Variants in NAA15 observed in about 807,000 individuals in gnomAD.
NAA15 encodes N-alpha-acetyltransferase 15, NatA auxiliary subunit, also known as N-terminal acetyltransferase.
In NAA15, 34 loss-of-function variants were observed where a neutral mutation model predicts 114.0. That is an observed-to-expected ratio of 0.30 (90% CI 0.23 to 0.40). The LOEUF is 0.40. Ranked by LOEUF, NAA15 falls within the 10% of genes least tolerant of loss-of-function variation. The pLI is 1.00. For synonymous variants in NAA15, 340 were observed against 338.0 expected (o/e 1.01, Z -0.06); for missense variants, 658 against 1,004.5 (o/e 0.66, Z 4.66).
Position 139,302,176 on chromosome 4 carries a change from G to T in NAA15, c.54+345G>T, listed in dbSNP as rs553713799. 8.1e-5 allele frequency: 22 copies of T among 270,516 alleles called. No homozygotes were observed. In the South Asian group the frequency reaches 2.2e-3, roughly 27 times the overall value. 16.8% of individuals were successfully genotyped at this position (270,516 alleles called of 1,614,324 possible). On this transcript the variant is annotated intron_variant, in intron 1 of 19. Transcript: ENST00000296543. Reference sequence around the variant, plus strand: ...AGTGGGCGACACCGGCAGGAGTCGCGGCCCGGTTGGTGTGGGAACCCTGCT... The same window carrying T: ...AGTGGGCGACACCGGCAGGAGTCGCTGCCCGGTTGGTGTGGGAACCCTGCT...
chr4:139,344,401 A>G, intron 6 of NAA15, 62 bp downstream of exon 6: 1 of 1,361,746 alleles, frequency 7.3e-7, no homozygotes, highest in South Asian at 1.4e-5. Flanking sequence ...AGGCTGAAAA[A>G]TCTAGTTGCT....
Position 139,301,564 on chromosome 4 carries a change from G to C in NAA15, c.-214G>C. 1.7e-6 allele frequency: 1 copy of C among 590,310 alleles called. No homozygotes were observed. Among genetic ancestry groups the C allele is most frequent in the African/African-American group, 1.9e-5 (1 of 52,750 alleles). 36.6% of individuals were successfully genotyped at this position (590,310 alleles called of 1,614,324 possible). ...AACCGCCGACGGAGACCCGTAGTGG[G>C]GGAGGCGGCGGCAGCGTTAAGTGAG... is the stretch of plus-strand genomic sequence containing the variant. On this transcript the variant is annotated 5_prime_UTR_variant, in exon 1 of 20. Coordinates refer to ENST00000296543, the MANE Select transcript of NAA15 (RefSeq NM_057175.5).
chr4:139,321,475 T>TTG (rs1369102299), intron 1 of NAA15, among the ~76,000 whole-genome samples: 1 of 148,012 alleles, frequency 6.8e-6, no homozygotes, highest in South Asian at 2.2e-4. Flanking sequence ...TTATTTGTTT[T>TTG]TTTTTTTTTT....
At chr4:139,376,518 A>G (rs1748586638) in intron 16 of NAA15, 45 bp downstream of exon 16, 1 of 1,173,972 alleles carries the variant, frequency 8.5e-7, no homozygotes, top group Non-Finnish European at 1.3e-6. Context: ...TGATCACTGT[A>G]TTTCTTAGGT....
In NAA15 at chr4:139,334,170, A is replaced by T; in HGVS notation, c.55-4A>T. The T allele has an allele frequency of 6.4e-7, 1 of 1,565,392 alleles. No individual in the cohort carries two copies. The highest frequency in any genetic ancestry group is 8.6e-7 in the Non-Finnish European group (1 of 1,158,386). On this transcript the variant is annotated splice_region_variant and splice_polypyrimidine_tract_variant and intron_variant, in intron 1 of 19. Transcript: ENST00000296543. ...ACTTAAATTTTTCTTTTTTGTTTTG[A>T]CAGAGGTGTTATGAACATAAACAGT...
At chr4:139,326,885 TTGGG>T (rs796828395) in intron 1 of NAA15, among the ~76,000 whole-genome samples, 10 of 152,348 alleles carry the variant, frequency 6.6e-5, no homozygotes, top group African/African-American at 2.4e-4. Context: ...GTCATTAATT[TTGGG>T]TGTCCTTTTT....
intron 1 of NAA15, among the ~76,000 whole-genome samples, chr4:139,322,717 A>G (rs1182151173): frequency 6.6e-6 from 1 of 152,124 alleles, no homozygotes; most frequent in Non-Finnish European, 1.5e-5. Flanking sequence ...TTTGAGACGG[A>G]GTCTTGCTCT....
At position 139,354,011 on chromosome 4, in the gene NAA15, G is replaced by A. The variant is rs755850306; in HGVS notation, c.1015-15G>A. Reference sequence around the variant, plus strand: ...GTTTTTTCTATTAAAGTGTGTTTGTGTGTTTGTACTCTAGGTGGCAATCAT... The same window carrying A: ...GTTTTTTCTATTAAAGTGTGTTTGTATGTTTGTACTCTAGGTGGCAATCAT... On this transcript the variant is annotated splice_polypyrimidine_tract_variant and intron_variant, in intron 9 of 19. Transcript: ENST00000296543. The A allele has an allele frequency of 6.2e-6, 10 of 1,603,566 alleles. No homozygotes were observed. The highest frequency in any genetic ancestry group is 1.1e-5 in the South Asian group (1 of 89,802).
intron 14 of NAA15, among the ~76,000 whole-genome samples, chr4:139,362,743 A>G (rs1748170581): frequency 6.6e-6 from 1 of 152,234 alleles, no homozygotes; most frequent in Non-Finnish European, 1.5e-5. Context: ...ATAGTAGGGT[A>G]TCGGAATGAC....
chr4:139,304,104 G>A (rs1032413633), intron 1 of NAA15, among the ~76,000 whole-genome samples: 1 of 152,150 alleles, frequency 6.6e-6, no homozygotes, highest in Non-Finnish European at 1.5e-5. Flanking sequence ...TTTTTTAGTA[G>A]AGACGGGGTT....
chr4:139,337,756 A>G (rs914568964), intron 3 of NAA15, among the ~76,000 whole-genome samples: 2 of 152,234 alleles, frequency 1.3e-5, no homozygotes, highest in Non-Finnish European at 2.9e-5. Context: ...CTTAGTACAG[A>G]CAAAGAAAAG....
intron 6 of NAA15, among the ~76,000 whole-genome samples, chr4:139,346,587 G>C (rs1747591269): frequency 6.6e-6 from 1 of 150,742 alleles, no homozygotes; most frequent in Non-Finnish European, 1.5e-5. Context: ...TTTCACTCTT[G>C]TTTCTCAGGC....
At chr4:139,343,542 G>A (rs1021031933) in intron 5 of NAA15, among the ~76,000 whole-genome samples, 14 of 152,172 alleles carry the variant, frequency 9.2e-5, no homozygotes, top group African/African-American at 2.9e-4. Context: ...TTCTGAAGAA[G>A]GCTGTGCTTT....
intron 1 of NAA15, among the ~76,000 whole-genome samples, chr4:139,307,584 T>C (rs184393486): frequency 6.6e-6 from 1 of 152,354 alleles, no homozygotes; most frequent in East Asian, 1.9e-4. Context: ...ATGTAATTAT[T>C]GCACACTTGA....
intron 1 of NAA15, among the ~76,000 whole-genome samples, chr4:139,324,052 T>A (rs1319942030): frequency 1.3e-5 from 2 of 152,024 alleles, no homozygotes; most frequent in East Asian, 1.9e-4. Flanking sequence ...CCCAGCTAAT[T>A]TTTGTATTTT....
In NAA15 at chr4:139,385,285, T is replaced by TATATATATATATATAATATATA. The variant is rs1553999082; in HGVS notation, c.2302+308_2302+329dup. ...CAAAACCAAACATATATATATATAA[T>TATATATATATATATAATATATA]ATATATATATATATAATATATATTA... On this transcript the variant is annotated intron_variant, in intron 18 of 19. Coordinates refer to ENST00000296543, the MANE Select transcript of NAA15 (RefSeq NM_057175.5). 1.7e-4 allele frequency among the ~76,000 whole-genome samples: 17 copies of TATATATATATATATAATATATA among 97,398 alleles called. 1 individual carries two copies. Among genetic ancestry groups the TATATATATATATATAATATATA allele is most frequent in the African/African-American group, 5.9e-4 (16 of 27,018 alleles). 63.9% of individuals were successfully genotyped at this position (97,398 alleles called of 152,430 possible). A position where few individuals can be genotyped will look rare whatever the true frequency, so the allele number is the denominator to read the frequency against.
chr4:139,370,279 A>C lies in NAA15; in HGVS notation c.1822A>C (p.Ile608Leu), dbSNP rs759867264. 1.3e-6 allele frequency: 2 copies of C among 1,592,448 alleles called. No homozygotes were observed. Among genetic ancestry groups the C allele is most frequent in the Non-Finnish European group, 1.7e-6 (2 of 1,170,546 alleles). The change falls in exon 15 of 20, where the codon ATA (isoleucine) becomes CTA (leucine). Residue 608 changes from isoleucine (I) to leucine (L), a missense_variant. Coordinates refer to ENST00000296543, the MANE Select transcript of NAA15 (RefSeq NM_057175.5). ...KQRRAQKKAQIEEEKKNAEKE... is the reference protein window; with the variant it reads ...KQRRAQKKAQLEEEKKNAEKE... ...AAGAAGAGCTCAAAAGAAAGCCCAG[A>C]TAGAAGAAGAGAAAAAAAATGCAGA...
intron 17 of NAA15, among the ~76,000 whole-genome samples, chr4:139,382,744 G>C (rs1402030146): frequency 6.6e-6 from 1 of 152,082 alleles, no homozygotes; most frequent in Admixed American, 6.5e-5. Context: ...TTAAACTAAA[G>C]TATTTCACTA....
chr4:139,367,119 A>G (rs1162040651), intron 14 of NAA15, among the ~76,000 whole-genome samples: 2 of 152,198 alleles, frequency 1.3e-5, no homozygotes, highest in Non-Finnish European at 2.9e-5. Flanking sequence ...CCTGTTAACT[A>G]AAATTACAAG....
Sources: gnomAD v4.1 joint callset for allele counts (sites outside exome capture counted in the v4.1 genomes callset) on GRCh38, gnomAD v4.1.1 for gene constraint, MANE v1.5 for transcripts, NCBI Gene and HGNC (gene_info 2026-07-23, HGNC 2026-07-21) for gene names.